The following ITSN1 variants were observed in gnomAD, a reference collection of about 807,000 sequenced individuals.
ITSN1 encodes intersectin-1.
In ITSN1, 58 loss-of-function variants were observed where a neutral mutation model predicts 239.8. The ratio of observed to expected loss-of-function variants is 0.24; its 90% confidence interval spans 0.20 to 0.30. The LOEUF is 0.30. ITSN1 is among the 10% of genes least tolerant of loss of function. The pLI is 1.00. For missense variants in ITSN1, 1,558 were observed against 2,103.3 expected, an observed-to-expected ratio of 0.74 and a Z score of 5.07; for synonymous variants, 780 against 770.8, an observed-to-expected ratio of 1.01 and a Z score of -0.20.
intron 4 of ITSN1, among the ~76,000 whole-genome samples, chr21:33,724,815 AT>A (rs913029810): frequency 3.9e-5 from 6 of 151,970 alleles, no homozygotes; most frequent in South Asian, 4.2e-4. Flanking sequence ...AATGAATTTC[AT>A]TTTTTTTCTT....
intron 1 of ITSN1, among the ~76,000 whole-genome samples, chr21:33,705,092 C>CA (rs2092194901): frequency 8.6e-6 from 1 of 116,374 alleles, no homozygotes; most frequent in South Asian, 2.6e-4. Context: ...GCCTGGGCAA[C>CA]AGAGCAAGAC....
intron 4 of ITSN1, among the ~76,000 whole-genome samples, chr21:33,732,860 G>A (rs1216081692): frequency 6.6e-6 from 1 of 152,068 alleles, no homozygotes; most frequent in Non-Finnish European, 1.5e-5. Context: ...AAATTCTTCA[G>A]AATACATTTA....
intron 31 of ITSN1, among the ~76,000 whole-genome samples, chr21:33,860,500 C>A (rs1037772387): frequency 6.6e-6 from 1 of 152,112 alleles, no homozygotes; most frequent in African/African-American, 2.4e-5. Flanking sequence ...GCTCCCCATA[C>A]CTCTCTGTTG....
At chr21:33,681,759 C>T (rs7278857) in intron 1 of ITSN1, among the ~76,000 whole-genome samples, 6,309 of 151,728 alleles carry the variant, frequency 0.042, 443 homozygotes, top group African/African-American at 0.15. Flanking sequence ...CAAGCTCCGC[C>T]TCCCGGGTTC....
intron 5 of ITSN1, among the ~76,000 whole-genome samples, chr21:33,749,774 T>G (rs1042368653): frequency 6.6e-6 from 1 of 152,242 alleles, no homozygotes; most frequent in African/African-American, 2.4e-5. Flanking sequence ...TTTTATTTAC[T>G]AGTTTTCAAA....
chr21:33,708,574 A>AT (rs1418465745), intron 1 of ITSN1, among the ~76,000 whole-genome samples: 282 of 898 alleles, frequency 0.31, 2 homozygotes, highest in African/African-American at 0.42. Context: ...TTTAGTAGAG[A>AT]CGGGTTTCTC....
intron 1 of ITSN1, among the ~76,000 whole-genome samples, chr21:33,674,005 G>C (rs2090452791): frequency 6.6e-6 from 1 of 152,162 alleles, no homozygotes; most frequent in East Asian, 1.9e-4. Context: ...GATTGGGCTT[G>C]GATATTGTTA....
chr21:33,749,408 C>T (rs1484995596), intron 5 of ITSN1, among the ~76,000 whole-genome samples: 1 of 151,928 alleles, frequency 6.6e-6, no homozygotes, highest in Non-Finnish European at 1.5e-5. Flanking sequence ...TTTGGGAGGC[C>T]AAGGCAGGTG....
At chr21:33,691,822 C>G (rs2091562098) in intron 1 of ITSN1, among the ~76,000 whole-genome samples, 1 of 152,178 alleles carries the variant, frequency 6.6e-6, no homozygotes, top group South Asian at 2.1e-4. Context: ...GGGTACCAAT[C>G]CCATTCATGA....
intron 24 of ITSN1, 91 bp downstream of exon 24, chr21:33,819,414 C>T: frequency 2.2e-6 from 2 of 896,268 alleles, no homozygotes; most frequent in South Asian, 1.6e-5. Flanking sequence ...TTAAGATAGA[C>T]TGCATTTATG....
rs759471287 is a variant in ITSN1 at position 33,875,444 on chromosome 21, G to C, written c.4264G>C (p.Glu1422Gln). 2.5e-6 allele frequency: 4 copies of C among 1,614,170 alleles called. No homozygotes were observed. The highest frequency in any genetic ancestry group is 3.4e-6 in the Non-Finnish European group (4 of 1,180,022). The stretch of plus-strand genomic sequence containing the variant: ...GGAAGAGCTCTGTTCCCAGGTGAAC[G>C]AAGGGGTGCGGGAGAAGGAGAACTC... ...KAEELCSQVN[E>Q]GVREKENSDR... Residue 1422 changes from glutamate to glutamine, a missense_variant, in exon 34 of 40, where the codon GAA (glutamate) becomes CAA (glutamine). Around this residue, in one of 2 missense-constraint regions of ITSN1, gnomAD observed 576 missense variants for 893.3 expected, o/e 0.64. Coordinates refer to ENST00000381318, the MANE Select transcript of ITSN1 (RefSeq NM_003024.3).
intron 16 of ITSN1, among the ~76,000 whole-genome samples, chr21:33,788,239 G>A (rs562859981): frequency 6.6e-6 from 1 of 152,072 alleles, no homozygotes; most frequent in Non-Finnish European, 1.5e-5. Context: ...TATTACTATT[G>A]CAGAGAGGAC....
intron 28 of ITSN1, 42 bp from the exon 29 acceptor site, chr21:33,836,399 C>T (rs1221721057): frequency 1.4e-6 from 2 of 1,479,558 alleles, no homozygotes; most frequent in East Asian, 2.3e-5. Flanking sequence ...TGTGCATTCT[C>T]CGGCGGGTGT....
At chr21:33,675,214 G>C (rs913639185) in intron 1 of ITSN1, among the ~76,000 whole-genome samples, 1 of 151,826 alleles carries the variant, frequency 6.6e-6, no homozygotes. Flanking sequence ...TCATCCACTG[G>C]CCCCTCCCAT....
In ITSN1 at chr21:33,813,975, C is replaced by G. The variant is rs1305729052; in HGVS notation, c.2630C>G (p.Pro877Arg). 6.2e-7 allele frequency: 1 copy of G among 1,614,110 alleles called. No homozygotes were observed. Among genetic ancestry groups the G allele is most frequent in the Admixed American group, 1.7e-5 (1 of 60,012 alleles). ...AACTGGGATGCATGGGCAGCCCAGC[C>G]CTCTCTCACCGTTCCAAGTGCCGGC... is the stretch of plus-strand genomic sequence containing the variant. The part of the protein sequence containing the change: ...TDNWDAWAAQ[P>R]SLTVPSAGQL... The change falls in exon 22 of 40, where the codon CCC becomes CGC. Residue 877 changes from proline to arginine, a missense_variant. Around this residue, in one of 2 missense-constraint regions of ITSN1, gnomAD observed 982 missense variants for 1,209.9 expected, o/e 0.81. Coordinates refer to ENST00000381318, the MANE Select transcript of ITSN1 (RefSeq NM_003024.3).
Position 33,769,146 on chromosome 21 carries a change from A to G in ITSN1, c.1042+1318A>G, listed in dbSNP as rs534246224. Among the ~76,000 whole-genome samples, 19 of 152,340 alleles carry G rather than the reference A, an allele frequency of 1.2e-4. No individual in the cohort carries two copies. The South Asian group carries it at 3.9e-3, about 32-fold the overall frequency. On this transcript the variant is annotated intron_variant, in intron 11 of 39. Coordinates refer to ENST00000381318, the MANE Select transcript of ITSN1 (RefSeq NM_003024.3). ...GGTCACCACAAGTGGAAGTGAGAATAGTTCAGGTTTTGATAACAATGAGAA... is the reference window on the plus strand; with the variant it reads ...GGTCACCACAAGTGGAAGTGAGAATGGTTCAGGTTTTGATAACAATGAGAA...
At chr21:33,834,462 C>T (rs2074485692) in intron 28 of ITSN1, 38 bp downstream of exon 28, 1 of 1,372,896 alleles carries the variant, frequency 7.3e-7, no homozygotes, top group Non-Finnish European at 1.0e-6. Flanking sequence ...AGATGGTCTG[C>T]ATGCCACTTG....
chr21:33,836,603 T>C lies in ITSN1; in HGVS notation c.3632T>C (p.Leu1211Pro). The change falls in exon 29 of 40, where the codon CTG becomes CCG. Residue 1211 changes from leucine to proline, a missense_variant. Leu to Pro is a moderately conservative substitution (Grantham distance 98). Coordinates refer to ENST00000381318, the MANE Select transcript of ITSN1 (RefSeq NM_003024.3). ...VGLFPSNYVKLTTDMDPSQQW... is the reference protein window; with the variant it reads ...VGLFPSNYVKPTTDMDPSQQW... ...CTCTTCCCATCCAATTATGTGAAGCTGACCACAGACATGGACCCAAGCCAG... is the reference window on the plus strand; with the variant it reads ...CTCTTCCCATCCAATTATGTGAAGCCGACCACAGACATGGACCCAAGCCAG... 1 of 1,614,118 alleles carries C rather than the reference T, an allele frequency of 6.2e-7. No homozygotes were observed. Among genetic ancestry groups the C allele is most frequent in the Non-Finnish European group, 8.5e-7 (1 of 1,179,980 alleles).
At chr21:33,773,386 T>G (rs895462853) in intron 12 of ITSN1, among the ~76,000 whole-genome samples, 1 of 152,160 alleles carries the variant, frequency 6.6e-6, no homozygotes, top group African/African-American at 2.4e-5. Flanking sequence ...CTTCGTAAAT[T>G]TAGCGCCATA....
Sources: gnomAD v4.1 joint callset for allele counts (sites outside exome capture counted in the v4.1 genomes callset) on GRCh38, gnomAD v4.1.1 for gene constraint, gnomAD v4.1.1 regional missense constraint, MANE v1.5 for transcripts, NCBI Gene and HGNC (gene_info 2026-07-23, HGNC 2026-07-21) for gene names.